SH3GL3: variants seen among roughly 807,000 people sequenced by gnomAD.
SH3GL3 encodes the protein SH3 domain containing GRB2 like 3, endophilin A3, also known as endophilin-A3.
In SH3GL3, 33 loss-of-function variants were observed where a neutral mutation model predicts 47.7. The ratio of observed to expected loss-of-function variants is 0.69; its 90% CI spans 0.52 to 0.92. SH3GL3 has a LOEUF of 0.92. Among genes scored for constraint, SH3GL3 ranks in the 40% least tolerant of loss-of-function variants. The pLI is 0.00. For missense variants in SH3GL3, 363 were observed against 417.8 expected (o/e 0.87, Z 1.14); for synonymous variants, 155 against 148.8 (o/e 1.04, Z -0.30).
intron 5 of SH3GL3, among the ~76,000 whole-genome samples, chr15:83,575,191 C>G (rs1341503024): frequency 2.0e-5 from 3 of 152,132 alleles, no homozygotes; most frequent in Non-Finnish European, 1.5e-5. Flanking sequence ...ACATCTCCCC[C>G]AAATGCACAG....
intron 1 of SH3GL3, among the ~76,000 whole-genome samples, chr15:83,527,910 T>A (rs2043497487): frequency 6.6e-6 from 1 of 152,152 alleles, no homozygotes; most frequent in Non-Finnish European, 1.5e-5. Context: ...TTTGTGTGTT[T>A]TCATGATGGT....
chr15:83,551,320 C>T (rs538482834), intron 1 of SH3GL3, among the ~76,000 whole-genome samples: 4 of 152,236 alleles, frequency 2.6e-5, no homozygotes, highest in African/African-American at 4.8e-5. Context: ...GAAGAACACA[C>T]GAGCCACATT....
rs112881110 is a variant in SH3GL3, at chr15:83,606,194, G to T, written c.839-11888G>T. On this transcript the variant is annotated intron_variant, in intron 8 of 8. Transcript: ENST00000427482. ...ATATGTATTCCAAATGTGTGCTACA[G>T]GCACATCAGAGTGAGTTGAAATAAA... 3.2e-3 allele frequency among the ~76,000 whole-genome samples: 494 copies of T among 152,236 alleles called. 1 individual carries two copies. Among genetic ancestry groups the T allele is most frequent in the Non-Finnish European group, 3.9e-3 (265 of 68,008 alleles).
intron 1 of SH3GL3, among the ~76,000 whole-genome samples, chr15:83,456,883 C>G (rs556415364): frequency 1.0e-3 from 158 of 152,320 alleles, no homozygotes; most frequent in African/African-American, 3.7e-3. Context: ...TTTCTCTTGA[C>G]AAGATTTTTT....
At position 83,574,283 on chromosome 15, in the gene SH3GL3, AT is replaced by A. The variant is rs538257718; in HGVS notation, c.465+1586del. On this transcript the variant is annotated intron_variant, in intron 5 of 8. Coordinates refer to ENST00000427482, the MANE Select transcript of SH3GL3 (RefSeq NM_003027.5). Reference sequence around the variant, plus strand: ...GGAAGTTTGAGTGAGAAATGAAAGCATCCATTCAGGAGCTCCCTAAACATCC... The same window carrying A: ...GGAAGTTTGAGTGAGAAATGAAAGCACCATTCAGGAGCTCCCTAAACATCC... 3.3e-5 allele frequency among the ~76,000 whole-genome samples: 5 copies of A among 152,214 alleles called. No individual in the cohort carries two copies. The South Asian group carries it at 1.0e-3, about 32-fold the overall frequency.
At chr15:83,464,160 A>G (rs530135712) in intron 1 of SH3GL3, among the ~76,000 whole-genome samples, 56 of 152,160 alleles carry the variant, frequency 3.7e-4, no homozygotes, top group Non-Finnish European at 5.4e-4. Context: ...TGACCTCCAC[A>G]TTGTCAAATC....
intron 1 of SH3GL3, among the ~76,000 whole-genome samples, chr15:83,513,579 G>A (rs1326083925): frequency 6.6e-6 from 1 of 152,106 alleles, no homozygotes; most frequent in Non-Finnish European, 1.5e-5. Context: ...CCTTCCTTTA[G>A]AAAGTCTTTT....
chr15:83,628,711 C>T, the SH3GL3 span, among the ~76,000 whole-genome samples: 1 of 152,114 alleles, frequency 6.6e-6, no homozygotes, highest in Non-Finnish European at 1.5e-5. Context: ...CCATTCACTG[C>T]CCTCTACCCT....
chr15:83,577,303 CA>C (rs1379885971), intron 6 of SH3GL3, among the ~76,000 whole-genome samples: 6 of 152,168 alleles, frequency 3.9e-5, no homozygotes, highest in Admixed American at 3.9e-4. Flanking sequence ...ACAGGTTGGA[CA>C]AACTTGCTCT....
intron 1 of SH3GL3, among the ~76,000 whole-genome samples, chr15:83,532,816 C>T (rs1422873743): frequency 6.6e-6 from 1 of 152,172 alleles, no homozygotes; most frequent in African/African-American, 2.4e-5. Context: ...GATGCAGCCT[C>T]ATACATGTTC....
intron 8 of SH3GL3, among the ~76,000 whole-genome samples, chr15:83,614,930 C>T (rs764858080): frequency 1.3e-5 from 2 of 152,162 alleles, no homozygotes; most frequent in Admixed American, 6.5e-5. Context: ...CACAGAAATA[C>T]CCCAACGTAC....
chr15:83,547,830 T>C (rs2044480524), intron 1 of SH3GL3, among the ~76,000 whole-genome samples: 1 of 151,880 alleles, frequency 6.6e-6, no homozygotes, highest in Non-Finnish European at 1.5e-5. Context: ...ATTGGAATAT[T>C]TAGTCCATTT....
the SH3GL3 span, among the ~76,000 whole-genome samples, chr15:83,631,997 C>A: frequency 1.3e-5 from 2 of 152,190 alleles, no homozygotes; most frequent in African/African-American, 4.8e-5. Flanking sequence ...TTAGAAATTT[C>A]TTCCACTAGA....
chr15:83,519,192 C>A (rs1320950561), intron 1 of SH3GL3, among the ~76,000 whole-genome samples: 1 of 152,156 alleles, frequency 6.6e-6, no homozygotes, highest in Non-Finnish European at 1.5e-5. Flanking sequence ...ATAGTTTTCT[C>A]TAGATCTGTG....
chr15:83,560,160 C>A (rs1348226093), intron 2 of SH3GL3, among the ~76,000 whole-genome samples: 4 of 152,120 alleles, frequency 2.6e-5, no homozygotes, highest in African/African-American at 9.7e-5. Context: ...AGCAAGGCAT[C>A]CACCCTCAGG....
At chr15:83,610,165 A>G (rs1293032242) in intron 8 of SH3GL3, among the ~76,000 whole-genome samples, 1 of 152,222 alleles carries the variant, frequency 6.6e-6, no homozygotes, top group African/African-American at 2.4e-5. Flanking sequence ...ATCCTGAGGT[A>G]TGCTGAGCTG....
At chr15:83,473,582 C>T (rs2151537395) in intron 1 of SH3GL3, among the ~76,000 whole-genome samples, 1 of 151,454 alleles carries the variant, frequency 6.6e-6, no homozygotes, top group African/African-American at 2.4e-5. Context: ...GAGTCTCGCT[C>T]TGTCGCCCAG....
chr15:83,611,868 C>T (rs2060677179), intron 8 of SH3GL3, among the ~76,000 whole-genome samples: 1 of 150,364 alleles, frequency 6.7e-6, no homozygotes, highest in Admixed American at 6.6e-5. Context: ...TCCATGGTGA[C>T]TTTTGTGTCA....
At chr15:83,551,057 C>T (rs2044642381) in intron 1 of SH3GL3, among the ~76,000 whole-genome samples, 1 of 152,206 alleles carries the variant, frequency 6.6e-6, no homozygotes, top group Non-Finnish European at 1.5e-5. Context: ...GCTGTGTTAA[C>T]ATTCACCATT....
Sources: gnomAD v4.1 joint callset for allele counts (sites outside exome capture counted in the v4.1 genomes callset) on GRCh38, gnomAD v4.1.1 for gene constraint, MANE v1.5 for transcripts, NCBI Gene and HGNC (gene_info 2026-07-23, HGNC 2026-07-21) for gene names.